The following CACNA1B variants were observed in gnomAD, a reference collection of about 807,000 sequenced individuals.
CACNA1B encodes voltage-dependent N-type calcium channel subunit alpha-1B.
Under a neutral mutation model 247.2 loss-of-function variants are expected in CACNA1B, and 70 were observed. That is an observed-to-expected ratio of 0.28 (90% CI 0.23 to 0.35). CACNA1B has a LOEUF of 0.35. Among genes scored for constraint, CACNA1B ranks in the 10% least tolerant of loss-of-function variants. The pLI, the probability that CACNA1B is intolerant of heterozygous loss-of-function variation, is 1.00. For missense variants in CACNA1B, 2,367 were observed against 3,197.4 expected (o/e 0.74, Z 6.26); for synonymous variants, 1,231 against 1,294.4 (o/e 0.95, Z 1.05).
At chr9:138,002,409 A>G (rs964006860) in intron 15 of CACNA1B, among the ~76,000 whole-genome samples, 13 of 152,128 alleles carry the variant, frequency 8.5e-5, no homozygotes, top group Admixed American at 7.9e-4. Flanking sequence ...TGATTTAAAG[A>G]TGATTTAAAG....
At chr9:137,926,007 G>C (rs1196810788) in intron 6 of CACNA1B, among the ~76,000 whole-genome samples, 10 of 148,960 alleles carry the variant, frequency 6.7e-5, no homozygotes, top group African/African-American at 2.0e-4. Flanking sequence ...GCCCACCTCG[G>C]CCTTCCAAAT....
At chr9:137,948,066 C>T (rs553972331) in intron 6 of CACNA1B, among the ~76,000 whole-genome samples, 10 of 150,410 alleles carry the variant, frequency 6.6e-5, no homozygotes, top group East Asian at 2.0e-4. Context: ...CTGCAAACTC[C>T]GCCTCCCAAG....
chr9:138,036,063 C>A (rs1048863944), intron 20 of CACNA1B, among the ~76,000 whole-genome samples: 1 of 152,098 alleles, frequency 6.6e-6, no homozygotes, highest in African/African-American at 2.4e-5. Context: ...TTTCATATTT[C>A]ATCACTCCTT....
rs1268138647 is a variant in CACNA1B at position 137,990,409 on chromosome 9, C to T, written c.1974+3555C>T. 1.3e-5 allele frequency among the ~76,000 whole-genome samples: 2 copies of T among 152,096 alleles called. No individual in the cohort carries two copies. The highest frequency in any genetic ancestry group is 2.9e-5 in the Non-Finnish European group (2 of 68,008). ...GACAAAGGTTATAATCTCCTGGGGG[C>T]TCTGTGGTCCTGCCCACCCCCTGAG... is the stretch of plus-strand genomic sequence containing the variant. On this transcript the variant is annotated intron_variant, in intron 15 of 46. Coordinates refer to ENST00000371372, the MANE Select transcript of CACNA1B (RefSeq NM_000718.4). This position sits in a 1 kb window ranked among gnomAD's most constrained non-coding sequence, Gnocchi z 4.5.
intron 36 of CACNA1B, among the ~76,000 whole-genome samples, chr9:138,080,142 G>C (rs1960476622): frequency 6.6e-6 from 1 of 152,210 alleles, no homozygotes; most frequent in Admixed American, 6.5e-5. Context: ...TCACTCCTCA[G>C]TACAAGGGTA....
chr9:138,001,417 T>C lies in CACNA1B; in HGVS notation c.1975-5350T>C, dbSNP rs1341139579. Among the ~76,000 whole-genome samples the C allele has an allele frequency of 4.4e-5, 4 of 90,340 alleles. No homozygotes were observed. In the East Asian group the frequency reaches 4.4e-3, roughly 100 times the overall value. 59.3% of individuals were successfully genotyped at this position (90,340 alleles called of 152,430 possible). A position where few individuals can be genotyped will look rare whatever the true frequency, so the allele number is the denominator to read the frequency against. ...TAATGGTGACACATATTTGTGAGTA[T>C]ACTAAAAACTATTGTATACACTTTA... On this transcript the variant is annotated intron_variant, in intron 15 of 46. Coordinates refer to ENST00000371372, the MANE Select transcript of CACNA1B (RefSeq NM_000718.4).
In CACNA1B at chr9:137,892,287, G is replaced by C. The variant is rs542274758; in HGVS notation, c.530+9404G>C. On this transcript the variant is annotated intron_variant, in intron 3 of 46. Transcript: ENST00000371372. ...CAAGATCAGGGTGTTGGCAGGATTG[G>C]TTTCTGGCGAGGCCTCTCCTCCTGG... The C allele has an allele frequency of 5.2e-4, 239 of 456,782 alleles. 1 individual carries two copies. The highest frequency in any genetic ancestry group is 4.1e-3 in the African/African-American group (206 of 50,216). The allele number at this position is 456,782 out of a possible 1,614,324, so 28.3% of individuals were successfully genotyped here.
At chr9:137,997,520 A>G (rs962631598) in intron 15 of CACNA1B, among the ~76,000 whole-genome samples, 18 of 152,244 alleles carry the variant, frequency 1.2e-4, no homozygotes, top group African/African-American at 4.3e-4. Flanking sequence ...CAAATGATGT[A>G]GTATGAAAGG....
At chr9:138,092,291 C>G (rs984934264) in intron 36 of CACNA1B, among the ~76,000 whole-genome samples, 2 of 152,184 alleles carry the variant, frequency 1.3e-5, no homozygotes, top group Non-Finnish European at 2.9e-5. Context: ...CATCCCTGGT[C>G]GTCAACCACA....
rs143774720 is a variant in CACNA1B, at chr9:138,041,692, C to T, written c.3287-2082C>T. Among the ~76,000 whole-genome samples the T allele has an allele frequency of 5.3e-4, 81 of 152,234 alleles. No homozygotes were observed. In the East Asian group the frequency reaches 9.1e-3, roughly 17 times the overall value. ...CCTGGCATCTTTGTCCTGTTTATTTCGAGCAGCAGAAGTCTTCATTGAAGC... is the reference window on the plus strand; with the variant it reads ...CCTGGCATCTTTGTCCTGTTTATTTTGAGCAGCAGAAGTCTTCATTGAAGC... On this transcript the variant is annotated intron_variant, in intron 20 of 46. Coordinates refer to ENST00000371372, the MANE Select transcript of CACNA1B (RefSeq NM_000718.4).
At position 138,059,073 on chromosome 9, in the gene CACNA1B, G is replaced by C; in HGVS notation, c.4474-6G>C. The C allele has an allele frequency of 1.9e-6, 3 of 1,576,544 alleles. No individual in the cohort carries two copies. The highest frequency in any genetic ancestry group is 2.6e-6 in the Non-Finnish European group (3 of 1,146,692). On this transcript the variant is annotated splice_region_variant and splice_polypyrimidine_tract_variant and intron_variant, in intron 29 of 46. Coordinates refer to ENST00000371372, the MANE Select transcript of CACNA1B (RefSeq NM_000718.4). The surrounding 1 kb of genome is among the most constrained non-coding windows in gnomAD (Gnocchi z 4.2). Reference sequence around the variant, plus strand: ...CCATGGCCAACAGTGCCTATTCCCCGGGCAGTTCTATGATGCACCCTATGA... The same window carrying C: ...CCATGGCCAACAGTGCCTATTCCCCCGGCAGTTCTATGATGCACCCTATGA...
chr9:137,925,845 C>A (rs1419839979), intron 6 of CACNA1B, among the ~76,000 whole-genome samples: 1 of 150,788 alleles, frequency 6.6e-6, no homozygotes, highest in Non-Finnish European at 1.5e-5. Context: ...CAGGTTCATG[C>A]CATTCTCCTA....
In CACNA1B at chr9:138,078,261, G is replaced by A. The variant is rs752045198; in HGVS notation, c.5094+3G>A. ...TCATCTTCCTGTGCTCCTTTCTGGT[G>A]AGTCCTGGGCACTGTGCCCCTCCCA... On this transcript the variant is annotated splice_donor_region_variant and intron_variant, in intron 36 of 46. Coordinates refer to ENST00000371372, the MANE Select transcript of CACNA1B (RefSeq NM_000718.4). 6.2e-7 allele frequency: 1 copy of A among 1,613,890 alleles called. No individual in the cohort carries two copies. The highest frequency in any genetic ancestry group is 8.5e-7 in the Non-Finnish European group (1 of 1,179,848).
intron 6 of CACNA1B, among the ~76,000 whole-genome samples, chr9:137,918,195 G>A (rs1374340810): frequency 6.6e-6 from 1 of 151,702 alleles, no homozygotes; most frequent in Non-Finnish European, 1.5e-5. Context: ...CATGATTGAA[G>A]TTGAGTATAA....
intron 3 of CACNA1B, among the ~76,000 whole-genome samples, chr9:137,900,602 CGT>C (rs1477067616): frequency 7.5e-6 from 1 of 133,006 alleles, no homozygotes; most frequent in Non-Finnish European, 1.6e-5. Flanking sequence ...ATGTCTGTGC[CGT>C]GTGTCTCTGT....
Position 137,986,599 on chromosome 9 carries a change from C to G in CACNA1B, c.1901+55C>G. On this transcript the variant is annotated intron_variant, in intron 14 of 46. Coordinates refer to ENST00000371372, the MANE Select transcript of CACNA1B (RefSeq NM_000718.4). This position sits in a 1 kb window ranked among gnomAD's most constrained non-coding sequence, Gnocchi z 6.0. ...GCTGGGGGCTTGCAGGGAAGCAGAG[C>G]TCAGAGCAGACGGTGCCGCCCAGGC... 3 of 1,604,262 alleles carry G rather than the reference C, an allele frequency of 1.9e-6. No individual in the cohort carries two copies. Among genetic ancestry groups the G allele is most frequent in the Non-Finnish European group, 1.7e-6 (2 of 1,172,568 alleles).
rs537203154 is a variant in CACNA1B at position 137,913,596 on chromosome 9, G to A, written c.622+325G>A. 2.0e-5 allele frequency among the ~76,000 whole-genome samples: 3 copies of A among 152,342 alleles called. No homozygotes were observed. The highest frequency in any genetic ancestry group is 1.3e-4 in the Admixed American group (2 of 15,308). On this transcript the variant is annotated intron_variant, in intron 4 of 46. Coordinates refer to ENST00000371372, the MANE Select transcript of CACNA1B (RefSeq NM_000718.4). This position sits in a 1 kb window ranked among gnomAD's most constrained non-coding sequence, Gnocchi z 5.2. ...AAAGAATGGATGAGAGGTTGACCAA[G>A]GTGGTGGGGAAGGATGCCTGAGAAA...
rs1957376878 is a variant in CACNA1B at position 137,913,210 on chromosome 9, C to T, written c.561C>T (p.Asp187=). ...GILATAGTDF[D]LRTLRAVRVL... Reference sequence around the variant, plus strand: ...TTGCCACGGCTGGAACTGACTTCGACCTGCGAACACTGAGGGCTGTGCGTG... The same window carrying T: ...TTGCCACGGCTGGAACTGACTTCGATCTGCGAACACTGAGGGCTGTGCGTG... Residue 187 remains aspartate (D), a synonymous_variant, in exon 4 of 47, where the codon GAC becomes GAT. Coordinates refer to ENST00000371372, the MANE Select transcript of CACNA1B (RefSeq NM_000718.4). This position sits in a 1 kb window ranked among gnomAD's most constrained non-coding sequence, Gnocchi z 5.2. The T allele has an allele frequency of 6.2e-7, 1 of 1,613,962 alleles. No individual in the cohort carries two copies. Among genetic ancestry groups the T allele is most frequent in the Middle Eastern group, 1.6e-4 (1 of 6,062 alleles).
intron 12 of CACNA1B, among the ~76,000 whole-genome samples, chr9:137,976,523 C>A (rs1482259740): frequency 6.6e-6 from 1 of 152,088 alleles, no homozygotes; most frequent in East Asian, 1.9e-4. Flanking sequence ...GTAGGGAGGC[C>A]TTGGAGGCAG....
Sources: allele counts gnomAD v4.1 joint callset (sites outside exome capture counted in the v4.1 genomes callset), GRCh38; gene constraint gnomAD v4.1.1; non-coding constraint Gnocchi (gnomAD v3.1); transcripts MANE v1.5; gene names NCBI Gene and HGNC (gene_info 2026-07-23, HGNC 2026-07-21).